ATXN7: variants seen among roughly 807,000 people sequenced by gnomAD.
ATXN7 encodes the protein ataxin 7, also known as ataxin-7.
Under a neutral mutation model 70.5 loss-of-function variants are expected in ATXN7, and 12 were observed. The ratio of observed to expected loss-of-function variants is 0.17; its 90% confidence interval spans 0.11 to 0.28. The LOEUF is 0.28. Among genes scored for constraint, ATXN7 ranks in the 10% least tolerant of loss-of-function variants. The probability of loss-of-function intolerance (pLI) is 1.00; values close to 1 mark genes in which losing one functional copy is unlikely to be tolerated. For synonymous variants in ATXN7, 498 were observed against 448.7 expected (o/e 1.11, Z -1.39); for missense variants, 1,256 against 1,131.7 (o/e 1.11, Z -1.58).
At chr3:63,907,819 A>G (rs1407980318) in intron 2 of ATXN7, among the ~76,000 whole-genome samples, 4 of 152,018 alleles carry the variant, frequency 2.6e-5, no homozygotes, top group African/African-American at 9.7e-5. Context: ...TTAAATCAAC[A>G]TTTCAAATCA....
At chr3:63,870,832 T>G (rs1054774492) in intron 1 of ATXN7, among the ~76,000 whole-genome samples, 3 of 152,198 alleles carry the variant, frequency 2.0e-5, no homozygotes, top group African/African-American at 7.2e-5. Context: ...ATGATATGTT[T>G]GGCTTTATAA....
rs555694167 is a variant in ATXN7, at chr3:63,870,766, T to C, written c.-111+6608T>C. Among the ~76,000 whole-genome samples, 12 of 152,316 alleles carry C rather than the reference T, an allele frequency of 7.9e-5. No homozygotes were observed. In the South Asian group the frequency reaches 2.5e-3, roughly 32 times the overall value. ...AATACTGGCCTCTCAAGCTGCTAAC[T>C]AGACATTCTTTCCTAAAGGAAATCT... On this transcript the variant is annotated intron_variant, in intron 1 of 12. Transcript: ENST00000674280.
At chr3:63,863,793 C>A (rs1213960505), upstream of ATXN7, 1 of 1,249,914 alleles carries the variant, frequency 8.0e-7, no homozygotes, top group East Asian at 3.2e-5. Context: ...GCTCCCATGG[C>A]GTGCGCGGCG....
chr3:63,926,779 GT>G (rs375000769), intron 4 of ATXN7, among the ~76,000 whole-genome samples: 1 of 151,708 alleles, frequency 6.6e-6, no homozygotes, highest in Non-Finnish European at 1.5e-5. Context: ...AAGTGTCACC[GT>G]TTTTTTTAAT....
Position 64,001,040 on chromosome 3 carries a change from A to G in ATXN7, c.*1573A>G, listed in dbSNP as rs1334803022. 4.6e-5 allele frequency: 7 copies of G among 151,990 alleles called. No homozygotes were observed. The highest frequency in any genetic ancestry group is 6.6e-5 in the Admixed American group (1 of 15,244). The allele number at this position is 151,990 out of a possible 1,614,324, so 9.4% of individuals were successfully genotyped here. ...GGGCCTGATGAGAGCCAGTCAGTAC[A>G]TTCTTTTTTTCCTACAGTTCTTGGG... On this transcript the variant is annotated 3_prime_UTR_variant, in exon 13 of 13. Transcript: ENST00000674280.
chr3:63,893,757 ACT>A (rs1253738759), intron 1 of ATXN7, among the ~76,000 whole-genome samples: 1 of 152,074 alleles, frequency 6.6e-6, no homozygotes, highest in Non-Finnish European at 1.5e-5. Context: ...CAGTGGAGTA[ACT>A]CTGAGCAGTG....
At chr3:63,967,420 A>G (rs577382131) in intron 5 of ATXN7, among the ~76,000 whole-genome samples, 1 of 152,332 alleles carries the variant, frequency 6.6e-6, no homozygotes, top group South Asian at 2.1e-4. Context: ...TGTAGATAGT[A>G]TAGGGGAAAT....
chr3:63,936,785 G>GTT (rs1223147238), intron 4 of ATXN7, among the ~76,000 whole-genome samples: 1 of 152,136 alleles, frequency 6.6e-6, no homozygotes, highest in East Asian at 1.9e-4. Context: ...AAGAGATAAT[G>GTT]ATCTCTCCTT....
intron 5 of ATXN7, among the ~76,000 whole-genome samples, chr3:63,967,265 GAAC>G (rs1430935785): frequency 6.6e-6 from 1 of 152,112 alleles, no homozygotes; most frequent in Non-Finnish European, 1.5e-5. Context: ...TCTAGTGATT[GAAC>G]AACAAACTGG....
chr3:63,951,834 C>T (rs970400827), intron 4 of ATXN7, among the ~76,000 whole-genome samples: 1 of 152,190 alleles, frequency 6.6e-6, no homozygotes, highest in Non-Finnish European at 1.5e-5. Flanking sequence ...TTCTGCCTTT[C>T]TGGTGGCATT....
intron 5 of ATXN7, among the ~76,000 whole-genome samples, chr3:63,971,547 G>A (rs2075312571): frequency 6.6e-6 from 1 of 152,162 alleles, no homozygotes; most frequent in Admixed American, 6.5e-5. Context: ...AGAAAATTTA[G>A]AGGGAAAAGT....
At chr3:63,960,279 A>G (rs1490413770) in intron 5 of ATXN7, among the ~76,000 whole-genome samples, 1 of 152,198 alleles carries the variant, frequency 6.6e-6, no homozygotes, top group Non-Finnish European at 1.5e-5. Context: ...GTGTGCAAGG[A>G]GGAAAGGGGT....
intron 4 of ATXN7, among the ~76,000 whole-genome samples, chr3:63,913,574 T>C (rs1704145972): frequency 6.6e-6 from 1 of 152,224 alleles, no homozygotes; most frequent in South Asian, 2.1e-4. Context: ...TTTCCACGAA[T>C]GCTTAGGGGA....
intron 2 of ATXN7, chr3:63,912,014 A>C (rs1704035332): frequency 6.6e-6 from 1 of 152,216 alleles, no homozygotes; most frequent in Non-Finnish European, 1.5e-5. Context: ...CTTGACGTGC[A>C]AACTTCGCCG....
chr3:63,940,776 T>C (rs2074747437), intron 4 of ATXN7, among the ~76,000 whole-genome samples: 1 of 152,202 alleles, frequency 6.6e-6, no homozygotes, highest in Non-Finnish European at 1.5e-5. Flanking sequence ...AAAACCAAGC[T>C]AAGTGGTAGA....
chr3:63,887,094 G>A (rs1194847024), intron 1 of ATXN7, among the ~76,000 whole-genome samples: 1 of 152,206 alleles, frequency 6.6e-6, no homozygotes, highest in African/African-American at 2.4e-5. Context: ...GAGCGAACAG[G>A]AAGGTATTTA....
rs755234890 is a variant in ATXN7, at chr3:63,980,054, C to T, written c.639C>T (p.Ser213=). ...SNRSSSGGVL[S]ASSSSSKLLK... is the part of the protein sequence containing the mutation. The stretch of plus-strand genomic sequence containing the variant: ...GTTCTTCCAGTGGAGGTGTTCTTAG[C>T]GCATCCTCATCAAGTTCCAAGTTGT... Residue 213 remains serine (S), a synonymous_variant, in exon 6 of 13, where the codon AGC becomes AGT. Coordinates refer to ENST00000674280, the MANE Select transcript of ATXN7 (RefSeq NM_001377405.1). 122 of 1,614,034 alleles carry T rather than the reference C, an allele frequency of 7.6e-5. No individual in the cohort carries two copies. The highest frequency in any genetic ancestry group is 9.2e-5 in the Non-Finnish European group (109 of 1,180,044).
chr3:63,913,283 T>C (rs1285436621), intron 4 of ATXN7, 58 bp downstream of exon 4: 2 of 1,525,686 alleles, frequency 1.3e-6, no homozygotes, highest in Non-Finnish European at 1.8e-6. Context: ...TCATTGACAG[T>C]TCACTGGGAC....
intron 11 of ATXN7, among the ~76,000 whole-genome samples, chr3:63,991,217 C>T (rs1189635480): frequency 6.6e-6 from 1 of 152,104 alleles, no homozygotes; most frequent in Non-Finnish European, 1.5e-5. Context: ...TGAGAGCCAA[C>T]TATACACCAA....
Sources: gnomAD v4.1 joint callset for allele counts (sites outside exome capture counted in the v4.1 genomes callset) on GRCh38, gnomAD v4.1.1 for gene constraint, MANE v1.5 for transcripts, NCBI Gene and HGNC (gene_info 2026-07-23, HGNC 2026-07-21) for gene names.